The following DRAM2 variants were observed in gnomAD, a reference collection of about 807,000 sequenced individuals.
The protein encoded by DRAM2 is DNA damage-regulated autophagy modulator protein 2.
DRAM2 carries 26 observed loss-of-function variants against 33.5 expected under a neutral mutation model. The observed-to-expected ratio is 0.78, with a 90% CI of 0.57 to 1.08. DRAM2 has a LOEUF of 1.08. Ranked by LOEUF, DRAM2 falls within the 50% of genes least tolerant of loss-of-function variation. DRAM2 has a pLI of 0.00. For missense variants in DRAM2, 311 were observed against 318.1 expected (o/e 0.98, Z 0.17); for synonymous variants, 98 against 109.5 (o/e 0.89, Z 0.66).
chr1:111,138,662 T>C (rs2101152494), intron 2 of DRAM2, among the ~76,000 whole-genome samples: 1 of 152,262 alleles, frequency 6.6e-6, no homozygotes, highest in East Asian at 1.9e-4. Context: ...CGGGCGCCTG[T>C]AATCCCAGCT....
At chr1:111,120,774 G>T in intron 6 of DRAM2, 81 bp from the exon 7 acceptor site, 1 of 1,285,076 alleles carries the variant, frequency 7.8e-7, no homozygotes. Context: ...GCACAACCCA[G>T]AGATTTCAAT....
intron 4 of DRAM2, among the ~76,000 whole-genome samples, chr1:111,131,159 C>A (rs1014792069): frequency 2.0e-5 from 3 of 152,044 alleles, no homozygotes; most frequent in African/African-American, 7.3e-5. Flanking sequence ...TATTCTGAAA[C>A]AACTTCAAAT....
intron 8 of DRAM2, among the ~76,000 whole-genome samples, chr1:111,119,329 T>G (rs1033053277): frequency 2.0e-5 from 3 of 152,152 alleles, no homozygotes; most frequent in East Asian, 3.9e-4. Flanking sequence ...TCATTCATTT[T>G]CACAAACATG....
chr1:111,121,049 T>C lies in DRAM2; in HGVS notation c.340-356A>G, dbSNP rs145056851. 1.8e-4 allele frequency among the ~76,000 whole-genome samples: 27 copies of C among 152,190 alleles called. No homozygotes were observed. The East Asian group carries it at 5.2e-3, about 29-fold the overall frequency. ...AACAAAACAGGCAAAAATCCAGCTC[T>C]GAGTTTAGTAAAGGTACATAAACAA... On this transcript the variant is annotated intron_variant, in intron 6 of 9. Coordinates refer to ENST00000484310, the MANE Select transcript of DRAM2 (RefSeq NM_001349884.2).
intron 8 of DRAM2, 199 bp downstream of exon 8, chr1:111,119,678 A>G (rs750912018): frequency 7.4e-6 from 4 of 544,138 alleles, no homozygotes; most frequent in Non-Finnish European, 1.3e-5. Flanking sequence ...TATTTTGACA[A>G]TATCTACAGA....
intron 4 of DRAM2, among the ~76,000 whole-genome samples, chr1:111,127,828 G>C (rs1212919463): frequency 6.6e-6 from 1 of 152,048 alleles, no homozygotes; most frequent in Non-Finnish European, 1.5e-5. Flanking sequence ...CATTATCATA[G>C]CACTTCATCT....
chr1:111,130,282 T>C (rs1203487703), intron 4 of DRAM2, among the ~76,000 whole-genome samples: 1 of 152,184 alleles, frequency 6.6e-6, no homozygotes, highest in Non-Finnish European at 1.5e-5. Context: ...CTGAGTTATT[T>C]GCCCATGAGC....
chr1:111,126,251 T>C lies in DRAM2; in HGVS notation c.175A>G (p.Met59Val). ...CATAAAACTGCCGCAATATTTAGCA[T>C]TGCCCCAAATAAGCATTTTTCTGGA... ...VAPEKCLFGA[M>V]LNIAAVLCIA... Residue 59 changes from methionine (M) to valine (V), a missense_variant, in exon 5 of 10, where the codon ATG (methionine) becomes GTG (valine). Physicochemically the swap from Met to Val is conservative, Grantham distance 21. Transcript: ENST00000484310. 3.7e-6 allele frequency: 6 copies of C among 1,611,290 alleles called. No homozygotes were observed. The highest frequency in any genetic ancestry group is 5.1e-6 in the Non-Finnish European group (6 of 1,178,432).
chr1:111,138,865 G>A (rs1263772811), intron 2 of DRAM2, among the ~76,000 whole-genome samples: 2 of 152,108 alleles, frequency 1.3e-5, no homozygotes, highest in Non-Finnish European at 2.9e-5. Flanking sequence ...TCAAAACTGT[G>A]ATTACAATTT....
Position 111,117,910 on chromosome 1 carries a change from T to A in DRAM2, c.*250A>T. Reference sequence around the variant, plus strand: ...TAAGGTATAAAAAACTATGATATCATAGTCTTTTGACTTTATTTTCTGAGA... The same window carrying A: ...TAAGGTATAAAAAACTATGATATCAAAGTCTTTTGACTTTATTTTCTGAGA... On this transcript the variant is annotated 3_prime_UTR_variant, in exon 10 of 10. Transcript: ENST00000484310. 1 of 481,958 alleles carries A rather than the reference T, an allele frequency of 2.1e-6. No homozygotes were observed. Among genetic ancestry groups the A allele is most frequent in the Non-Finnish European group, 3.7e-6 (1 of 269,306 alleles). The allele number at this position is 481,958 out of a possible 1,614,324, so 29.9% of individuals were successfully genotyped here. A position where few individuals can be genotyped will look rare whatever the true frequency, so the allele number is the denominator to read the frequency against.
intron 2 of DRAM2, among the ~76,000 whole-genome samples, chr1:111,137,846 A>T (rs754759539): frequency 5.3e-5 from 8 of 152,214 alleles, no homozygotes; most frequent in Non-Finnish European, 1.2e-4. Context: ...CACTATCTTA[A>T]AGAGGAAAAA....
chr1:111,127,168 T>C (rs145036037), intron 4 of DRAM2, among the ~76,000 whole-genome samples: 114 of 152,298 alleles, frequency 7.5e-4, no homozygotes, highest in Admixed American at 2.0e-3. Flanking sequence ...TCTAGCACAG[T>C]AGCAGGCTAA....
At chr1:111,122,482 C>G (rs1383493050) in intron 6 of DRAM2, 1 of 152,178 alleles carries the variant, frequency 6.6e-6, no homozygotes, top group Non-Finnish European at 1.5e-5. Context: ...GTGCTAGCCT[C>G]TCTTCCAAGC....
intron 8 of DRAM2, 92 bp from the exon 9 acceptor site, chr1:111,118,989 A>T: frequency 1.2e-6 from 1 of 838,894 alleles, no homozygotes; most frequent in Non-Finnish European, 1.7e-6. Flanking sequence ...AATTCTTATA[A>T]AATAATGGAG....
chr1:111,118,121 T>G lies in DRAM2; in HGVS notation c.*39A>C, dbSNP rs2100999905. 77 of 1,582,584 alleles carry G rather than the reference T, an allele frequency of 4.9e-5. No homozygotes were observed. The highest frequency in any genetic ancestry group is 1.7e-4 in the Middle Eastern group (1 of 5,980). On this transcript the variant is annotated 3_prime_UTR_variant, in exon 10 of 10. Coordinates refer to ENST00000484310, the MANE Select transcript of DRAM2 (RefSeq NM_001349884.2). Reference sequence around the variant, plus strand: ...CTTCTGTGAACCTTTCCCCAATCCCTGAGAATCATAATCATTACAGAAATA... The same window carrying G: ...CTTCTGTGAACCTTTCCCCAATCCCGGAGAATCATAATCATTACAGAAATA...
chr1:111,131,314 T>A, intron 4 of DRAM2, 110 bp downstream of exon 4: 1 of 1,206,536 alleles, frequency 8.3e-7, no homozygotes, highest in Non-Finnish European at 1.1e-6. Flanking sequence ...ATTGTTGTAA[T>A]GCCAATGTAA....
At chr1:111,119,610 C>T (rs929860690) in intron 8 of DRAM2, 1 of 415,564 alleles carries the variant, frequency 2.4e-6, no homozygotes, top group Middle Eastern at 6.6e-4. Flanking sequence ...ATATACTATA[C>T]CCACATTTAG....
At chr1:111,128,134 C>CTTTTTTTTTTTTTTT (rs35509678) in intron 4 of DRAM2, 11 of 102,320 alleles carry the variant, frequency 1.1e-4, no homozygotes, top group Non-Finnish European at 1.8e-4. Flanking sequence ...TTCTTCGTTT[C>CTTTTTTTTTTTTTTT]TTTTTTTTTT....
rs1649437290 is a variant in DRAM2, at chr1:111,118,882, T to C, written c.616A>G (p.Met206Val). Reference sequence around the variant, plus strand: ...GACCATTCTGCTGCAGTAGTGATCATGTGAAGCACATAACCCTGAGTGATG... The same window carrying C: ...GACCATTCTGCTGCAGTAGTGATCACGTGAAGCACATAACCCTGAGTGATG... ...NPEDKGYVLH[M>V]ITTAAEWSMS... The change falls in exon 9 of 10, where the codon ATG (methionine) becomes GTG (valine). Residue 206 changes from methionine to valine, a missense_variant. Coordinates refer to ENST00000484310, the MANE Select transcript of DRAM2 (RefSeq NM_001349884.2). 1.2e-6 allele frequency: 2 copies of C among 1,608,608 alleles called. No individual in the cohort carries two copies. Among genetic ancestry groups the C allele is most frequent in the Non-Finnish European group, 1.7e-6 (2 of 1,176,944 alleles).
Sources: gnomAD v4.1 joint callset for allele counts (sites outside exome capture counted in the v4.1 genomes callset) on GRCh38, gnomAD v4.1.1 for gene constraint, MANE v1.5 for transcripts, NCBI Gene and HGNC (gene_info 2026-07-23, HGNC 2026-07-21) for gene names.